Variants in BMAL1 observed in about 807,000 individuals in gnomAD.
The protein encoded by BMAL1 is basic helix-loop-helix ARNT like 1.
chr11:13,303,497 A>G, the BMAL1 span, among the ~76,000 whole-genome samples: 8 of 152,314 alleles, frequency 5.3e-5, no homozygotes, highest in African/African-American at 1.2e-4. Context: ...GAGTACAACA[A>G]ATTGTTAGGT....
the BMAL1 span, chr11:13,356,158 A>G: frequency 7.4e-6 from 3 of 405,952 alleles, no homozygotes; most frequent in Non-Finnish European, 1.5e-5. Context: ...CTCCATCCCA[A>G]TTCCTAAAAT....
chr11:13,381,526 C>G, the BMAL1 span, among the ~76,000 whole-genome samples: 1 of 152,098 alleles, frequency 6.6e-6, no homozygotes, highest in Non-Finnish European at 1.5e-5. Context: ...ATTGAGGGAG[C>G]AATTCAAGAG....
At chr11:13,354,582 A>G in the BMAL1 span, 2 of 1,305,640 alleles carry the variant, frequency 1.5e-6, no homozygotes, top group Non-Finnish European at 1.0e-6. Context: ...AGGTGGCGAC[A>G]CAGTTGGTTT....
chr11:13,295,909 C>A, the BMAL1 span, among the ~76,000 whole-genome samples: 1 of 152,168 alleles, frequency 6.6e-6, no homozygotes. Context: ...ACCCAGCCAC[C>A]CCCAGTCCCC....
chr11:13,283,944 C>A, the BMAL1 span, among the ~76,000 whole-genome samples: 2 of 151,444 alleles, frequency 1.3e-5, no homozygotes, highest in African/African-American at 2.4e-5. Flanking sequence ...AACTCACTAA[C>A]CCCACCTCCC....
chr11:13,347,116 G>A, the BMAL1 span, among the ~76,000 whole-genome samples: 1 of 152,210 alleles, frequency 6.6e-6, no homozygotes, highest in African/African-American at 2.4e-5. Context: ...TTTGAGGCTG[G>A]GCGTGGTGGC....
the BMAL1 span, among the ~76,000 whole-genome samples, chr11:13,300,098 C>A: frequency 1.3e-5 from 2 of 152,184 alleles, no homozygotes; most frequent in Non-Finnish European, 2.9e-5. Context: ...TTCCCCTGCA[C>A]TATGGCCTCT....
chr11:13,313,033 A>G, the BMAL1 span, among the ~76,000 whole-genome samples: 2 of 152,198 alleles, frequency 1.3e-5, no homozygotes, highest in Admixed American at 6.5e-5. Context: ...TGGGGGTAAA[A>G]TCCATAAAAT....
the BMAL1 span, among the ~76,000 whole-genome samples, chr11:13,370,043 CCTAA>C: frequency 2.4e-4 from 36 of 152,318 alleles, 1 homozygote; most frequent in East Asian, 6.9e-3. Context: ...CAGCCACAAT[CCTAA>C]CTGCCTTATG....
chr11:13,376,714 T>C, the BMAL1 span: 1 of 1,613,920 alleles, frequency 6.2e-7, no homozygotes, highest in East Asian at 2.2e-5. Flanking sequence ...GACAGCATGC[T>C]GCCCTCTGGA....
At chr11:13,316,243 T>C in the BMAL1 span, among the ~76,000 whole-genome samples, 2 of 152,190 alleles carry the variant, frequency 1.3e-5, no homozygotes, top group Non-Finnish European at 2.9e-5. Flanking sequence ...TCAGGGCCCA[T>C]GGCCCTACGG....
At chr11:13,355,368 G>A in the BMAL1 span, 179 of 1,429,696 alleles carry the variant, frequency 1.3e-4, no homozygotes, top group Middle Eastern at 1.8e-4. Flanking sequence ...CTGTGAGGGC[G>A]TTCTTCCATA....
the BMAL1 span, chr11:13,372,477 AG>A: frequency 1.3e-6 from 2 of 1,586,584 alleles, no homozygotes; most frequent in South Asian, 2.3e-5. Context: ...TAAAAAGCAG[AG>A]AAGACTGGGC....
chr11:13,337,475 T>C, the BMAL1 span, among the ~76,000 whole-genome samples: 9 of 152,210 alleles, frequency 5.9e-5, no homozygotes, highest in Non-Finnish European at 1.5e-5. Flanking sequence ...AAAAGAGTAC[T>C]ATGTAAGAGA....
At chr11:13,329,209 C>T in the BMAL1 span, among the ~76,000 whole-genome samples, 37 of 152,296 alleles carry the variant, frequency 2.4e-4, no homozygotes, top group Non-Finnish European at 4.4e-4. Flanking sequence ...GACCCCTTTA[C>T]GTCGGATGGC....
At chr11:13,343,065 G>C in the BMAL1 span, among the ~76,000 whole-genome samples, 2 of 152,152 alleles carry the variant, frequency 1.3e-5, no homozygotes. Flanking sequence ...CTGTGAGGCA[G>C]GTAATGTTAT....
the BMAL1 span, among the ~76,000 whole-genome samples, chr11:13,285,144 T>C: frequency 6.6e-6 from 1 of 152,250 alleles, no homozygotes; most frequent in Non-Finnish European, 1.5e-5. Flanking sequence ...TGCTCTTGAT[T>C]GCCAACCATT....
chr11:13,299,244 A>T, the BMAL1 span, among the ~76,000 whole-genome samples: 3 of 152,302 alleles, frequency 2.0e-5, no homozygotes, highest in African/African-American at 7.2e-5. Flanking sequence ...GGGTGACCTG[A>T]TTGTTTCACA....
the BMAL1 span, chr11:13,386,841 G>A: frequency 1.3e-6 from 2 of 1,493,088 alleles, no homozygotes; most frequent in South Asian, 1.3e-5. Flanking sequence ...TACTGGATAA[G>A]GAGAGAATAG....
Sources: allele counts gnomAD v4.1 joint callset (sites outside exome capture counted in the v4.1 genomes callset), GRCh38; gene constraint gnomAD v4.1.1; transcripts MANE v1.5; gene names NCBI Gene and HGNC (gene_info 2026-07-23, HGNC 2026-07-21).